The following TECTA variants were observed in gnomAD, a reference collection of about 807,000 sequenced individuals.
The protein encoded by TECTA is alpha-tectorin.
Under a neutral mutation model 216.8 loss-of-function variants are expected in TECTA, and 128 were observed. The observed-to-expected ratio is 0.59, with a 90% CI of 0.51 to 0.68. The LOEUF is 0.68. Ranked by LOEUF, TECTA falls within the 30% of genes least tolerant of loss-of-function variation. The pLI, the probability that TECTA is intolerant of heterozygous loss-of-function variation, is 0.00. For missense variants in TECTA, 2,551 were observed against 2,786.2 expected, an observed-to-expected ratio of 0.92 and a Z score of 1.90; for synonymous variants, 1,089 against 1,117.1, an observed-to-expected ratio of 0.97 and a Z score of 0.50.
intron 20 of TECTA, among the ~76,000 whole-genome samples, chr11:121,187,533 C>G (rs181781732): frequency 6.6e-6 from 1 of 152,066 alleles, no homozygotes; most frequent in Admixed American, 6.5e-5. Flanking sequence ...TATGAGGGGG[C>G]GGAATGAGAA....
chr11:121,158,087 C>T lies in TECTA; in HGVS notation c.4552C>T (p.Gln1518Ter), dbSNP rs904017548. Residue 1518 changes from glutamine to a stop codon, truncating the protein, a stop_gained, in exon 14 of 24, where the codon CAG becomes TAG. Coordinates refer to ENST00000392793, the MANE Select transcript of TECTA (RefSeq NM_005422.4). LOFTEE classifies it high-confidence loss of function. ...CGCCTTCGTGCTGTCCACCATCTGC[C>T]AGAAACTGCCCGACATCTCCTTCCA... ...NCAFVLSTICQKLPDISFQLI... is the reference protein window; with the variant it reads ...NCAFVLSTIC The T allele has an allele frequency of 6.2e-7, 1 of 1,614,032 alleles. No homozygotes were observed. Among genetic ancestry groups the T allele is most frequent in the Non-Finnish European group, 8.5e-7 (1 of 1,180,048 alleles).
chr11:121,177,657 T>C (rs1260195898), intron 20 of TECTA, among the ~76,000 whole-genome samples: 1 of 152,238 alleles, frequency 6.6e-6, no homozygotes, highest in Non-Finnish European at 1.5e-5. Context: ...GCAGTCTGCC[T>C]GTTCTCAGAT....
chr11:121,162,842 G>A (rs1157048907), intron 16 of TECTA, among the ~76,000 whole-genome samples: 1 of 152,184 alleles, frequency 6.6e-6, no homozygotes, highest in Non-Finnish European at 1.5e-5. Context: ...GATTGACTGT[G>A]GAGAGTACAT....
chr11:121,173,754 G>A (rs1947137224), intron 20 of TECTA, among the ~76,000 whole-genome samples: 1 of 151,932 alleles, frequency 6.6e-6, no homozygotes, highest in Non-Finnish European at 1.5e-5. Context: ...GATGGGGGTG[G>A]CATTGAATCT....
At chr11:121,110,215 C>G (rs1946429911) in intron 4 of TECTA, 1 of 152,848 alleles carries the variant, frequency 6.5e-6, no homozygotes, top group South Asian at 2.1e-4. Context: ...TCACAAAAGC[C>G]TGCAGCTTGT....
chr11:121,162,721 C>A (rs1008501880), intron 16 of TECTA, among the ~76,000 whole-genome samples: 3 of 152,166 alleles, frequency 2.0e-5, no homozygotes, highest in African/African-American at 7.2e-5. Flanking sequence ...CACCTTGGCT[C>A]CTTTAACATG....
At chr11:121,121,602 A>G (rs1407611693) in intron 7 of TECTA, among the ~76,000 whole-genome samples, 1 of 152,184 alleles carries the variant, frequency 6.6e-6, no homozygotes, top group Non-Finnish European at 1.5e-5. Flanking sequence ...AAAGGTATCA[A>G]CTGGAACATT....
chr11:121,160,365 G>A lies in TECTA; in HGVS notation c.4920G>A (p.Pro1640=), dbSNP rs560030286. ...ATTATGTGACCTTGCGAGGGAAGCC[G>A]GTGGTAAGCAGCGTGGTGCTGGCCC... ...TDDYVTLRGK[P]VVSSVVLAQS... The change falls in exon 15 of 24, where the codon CCG becomes CCA. Residue 1640 remains proline, a synonymous_variant. Transcript: ENST00000392793. 1.6e-5 allele frequency: 26 copies of A among 1,613,792 alleles called. No individual in the cohort carries two copies. The highest frequency in any genetic ancestry group is 1.6e-4 in the Middle Eastern group (1 of 6,062).
chr11:121,178,985 C>G (rs191973976), intron 20 of TECTA, among the ~76,000 whole-genome samples: 19 of 151,978 alleles, frequency 1.3e-4, no homozygotes, highest in African/African-American at 3.9e-4. Flanking sequence ...CTTTTTTCCC[C>G]TTAAGTTAGT....
At chr11:121,190,554 C>T in intron 23 of TECTA, 152 bp from the exon 24 acceptor site, 2 of 649,576 alleles carry the variant, frequency 3.1e-6, no homozygotes, top group Admixed American at 4.5e-5. Flanking sequence ...TGGATTAATT[C>T]TGCTACTTTG....
In TECTA at chr11:121,127,847, G is replaced by A; in HGVS notation, c.1870G>A (p.Ala624Thr). ...CSDLTASRNCATPCTEGCECN... is the reference protein window; with the variant it reads ...CSDLTASRNCTTPCTEGCECN... ...CGACCTGACGGCCTCGCGGAACTGC[G>A]CCACGCCGTGCACAGAGGGCTGCGA... is the stretch of plus-strand genomic sequence containing the variant. Residue 624 changes from alanine (A) to threonine (T), a missense_variant, in exon 9 of 24, where the codon GCC (alanine) becomes ACC (threonine). Transcript: ENST00000392793. This position sits in a 1 kb window ranked among gnomAD's most constrained non-coding sequence, Gnocchi z 5.0. The A allele has an allele frequency of 6.2e-7, 1 of 1,613,994 alleles. No homozygotes were observed. Among genetic ancestry groups the A allele is most frequent in the Non-Finnish European group, 8.5e-7 (1 of 1,180,030 alleles).
At chr11:121,107,378 T>A (rs1408694023) in intron 3 of TECTA, among the ~76,000 whole-genome samples, 2 of 152,204 alleles carry the variant, frequency 1.3e-5, no homozygotes, top group Non-Finnish European at 2.9e-5. Context: ...TCCAACACTT[T>A]GAGTAGTGCA....
intron 20 of TECTA, among the ~76,000 whole-genome samples, chr11:121,184,921 A>T (rs1199495303): frequency 6.6e-6 from 1 of 152,184 alleles, no homozygotes; most frequent in Admixed American, 6.5e-5. Flanking sequence ...CCTTTTGTCC[A>T]TGTTTCTTCC....
intron 19 of TECTA, 200 bp downstream of exon 19, chr11:121,168,417 G>A (rs1947077474): frequency 1.2e-6 from 1 of 866,786 alleles, no homozygotes. Flanking sequence ...ACTGTTTAAT[G>A]TGGTGGCTAC....
At chr11:121,104,986 G>A (rs1444653710) in intron 2 of TECTA, among the ~76,000 whole-genome samples, 1 of 152,248 alleles carries the variant, frequency 6.6e-6, no homozygotes, top group African/African-American at 2.4e-5. Context: ...TTGATCCTCA[G>A]TGATGCAGAC....
At chr11:121,147,521 G>A (rs1433083470) in intron 12 of TECTA, among the ~76,000 whole-genome samples, 2 of 150,258 alleles carry the variant, frequency 1.3e-5, no homozygotes, top group African/African-American at 5.0e-5. Flanking sequence ...CTGACAAACC[G>A]GCCTCTAATG....
chr11:121,188,771 A>G (rs531607782), intron 21 of TECTA, among the ~76,000 whole-genome samples: 67 of 152,268 alleles, frequency 4.4e-4, no homozygotes, highest in Non-Finnish European at 8.1e-4. Flanking sequence ...CTGATGAGAC[A>G]CAGCAATCCT....
intron 20 of TECTA, among the ~76,000 whole-genome samples, chr11:121,178,773 T>G (rs1947196428): frequency 6.6e-6 from 1 of 152,182 alleles, no homozygotes; most frequent in Non-Finnish European, 1.5e-5. Flanking sequence ...TCAATCCTGT[T>G]ATTAGTTATT....
chr11:121,188,745 C>T (rs957517779), intron 21 of TECTA, among the ~76,000 whole-genome samples: 1 of 152,240 alleles, frequency 6.6e-6, no homozygotes, highest in African/African-American at 2.4e-5. Context: ...ACAGATGATA[C>T]TGCATACATT....
Sources: gnomAD v4.1 joint callset for allele counts (sites outside exome capture counted in the v4.1 genomes callset) on GRCh38, gnomAD v4.1.1 for gene constraint, Gnocchi (gnomAD v3.1) non-coding constraint, MANE v1.5 for transcripts, NCBI Gene and HGNC (gene_info 2026-07-23, HGNC 2026-07-21) for gene names.